CTNNA2: variants seen among roughly 807,000 people sequenced by gnomAD.
CTNNA2 encodes catenin alpha 2.
Under a neutral mutation model 101.0 loss-of-function variants are expected in CTNNA2, and 42 were observed. The ratio of observed to expected loss-of-function variants is 0.42; its 90% CI spans 0.32 to 0.54. The LOEUF (loss-of-function observed/expected upper bound fraction) is 0.54, where lower values mean the gene tolerates loss of function less well. Among genes scored for constraint, CTNNA2 ranks in the 20% least tolerant of loss-of-function variants. The pLI, the probability that CTNNA2 is intolerant of heterozygous loss-of-function variation, is 0.14. For synonymous variants in CTNNA2, 450 were observed against 456.4 expected (o/e 0.99, Z 0.18); for missense variants, 871 against 1,223.1 (o/e 0.71, Z 4.29).
intron 17 of CTNNA2, among the ~76,000 whole-genome samples, chr2:80,609,856 C>T (rs1334277590): frequency 6.6e-6 from 1 of 151,738 alleles, no homozygotes; most frequent in African/African-American, 2.4e-5. Context: ...TCTCCATCAT[C>T]CTCTCAGTAC....
intron 9 of CTNNA2, among the ~76,000 whole-genome samples, chr2:80,462,585 T>C (rs1013531441): frequency 1.4e-4 from 22 of 151,794 alleles, no homozygotes; most frequent in African/African-American, 5.3e-4. Context: ...CTATCTCTCT[T>C]ATGTATCTCA....
intron 6 of CTNNA2, among the ~76,000 whole-genome samples, chr2:79,882,751 GGCAGGCTTAA>G (rs1683542155): frequency 6.6e-6 from 1 of 152,226 alleles, no homozygotes; most frequent in Non-Finnish European, 1.5e-5. Flanking sequence ...CTGGGAGCTT[GGCAGGCTTAA>G]GCAGGTTCCA....
intron 1 of CTNNA2, among the ~76,000 whole-genome samples, chr2:79,590,782 C>T (rs1002105039): frequency 4.6e-5 from 7 of 152,090 alleles, no homozygotes; most frequent in African/African-American, 1.7e-4. Context: ...TGCTTTTCCA[C>T]AACTTATCTG....
Position 80,043,093 on chromosome 2 carries a change from TTCTCTCTCTC to T in CTNNA2, c.1056+133306_1056+133315del, listed in dbSNP as rs201701924. On this transcript the variant is annotated intron_variant, in intron 7 of 18. Transcript: ENST00000402739. The stretch of plus-strand genomic sequence containing the variant: ...TTTCTTTCTTTCTTTCTTTCTTTCT[TTCTCTCTCTC>T]TCTCTCTCTTTCTTTCTCCTTCCTT... Among the ~76,000 whole-genome samples the T allele has an allele frequency of 4.8e-3, 157 of 32,746 alleles. 6 individuals are homozygous for T. Among genetic ancestry groups the T allele is most frequent in the African/African-American group, 0.019 (148 of 7,716 alleles). The allele number at this position is 32,746 out of a possible 152,430, so 21.5% of individuals were successfully genotyped here.
At chr2:79,851,403 T>C (rs766344843) in intron 3 of CTNNA2, among the ~76,000 whole-genome samples, 45 of 152,234 alleles carry the variant, frequency 3.0e-4, no homozygotes, top group Non-Finnish European at 5.6e-4. Flanking sequence ...GATTCTGTTA[T>C]GTATTTTCCT....
chr2:80,197,096 T>C (rs1573363558), intron 7 of CTNNA2, among the ~76,000 whole-genome samples: 1 of 152,246 alleles, frequency 6.6e-6, no homozygotes, highest in East Asian at 1.9e-4. Flanking sequence ...GAATATGTTA[T>C]TTCCTTGGTA....
chr2:79,238,015 C>T (rs1030988252), intron 2 of CTNNA2, among the ~76,000 whole-genome samples: 1 of 152,228 alleles, frequency 6.6e-6, no homozygotes, highest in East Asian at 1.9e-4. Flanking sequence ...GCATTCACAA[C>T]GTGGCTAGCT....
intron 7 of CTNNA2, among the ~76,000 whole-genome samples, chr2:79,952,874 G>C (rs1168277454): frequency 6.6e-6 from 1 of 152,202 alleles, no homozygotes; most frequent in Non-Finnish European, 1.5e-5. Context: ...TGGAGAAACA[G>C]TCTGCCTATC....
At chr2:79,793,687 C>T (rs1675462240) in intron 3 of CTNNA2, among the ~76,000 whole-genome samples, 1 of 152,102 alleles carries the variant, frequency 6.6e-6, no homozygotes, top group Non-Finnish European at 1.5e-5. Context: ...GGATAATCGC[C>T]ACCCAATATC....
chr2:79,965,944 T>A (rs1157061383), intron 7 of CTNNA2, among the ~76,000 whole-genome samples: 1 of 150,588 alleles, frequency 6.6e-6, no homozygotes, highest in Non-Finnish European at 1.5e-5. Context: ...TCTTGAAACA[T>A]CTAAAAATAA....
intron 2 of CTNNA2, among the ~76,000 whole-genome samples, chr2:79,231,450 G>GT (rs1674492184): frequency 6.6e-6 from 1 of 152,196 alleles, no homozygotes; most frequent in Admixed American, 6.5e-5. Context: ...ATGTAGAACT[G>GT]TAAGTCCAGT....
intron 3 of CTNNA2, among the ~76,000 whole-genome samples, chr2:79,335,681 A>T (rs1676978763): frequency 6.6e-6 from 1 of 152,228 alleles, no homozygotes; most frequent in Non-Finnish European, 1.5e-5. Context: ...TGGCTCATCT[A>T]TGTCCATATA....
intron 2 of CTNNA2, among the ~76,000 whole-genome samples, chr2:79,654,806 T>A (rs534236957): frequency 2.1e-4 from 32 of 152,306 alleles, no homozygotes; most frequent in African/African-American, 7.5e-4. Context: ...AAGCACCTAA[T>A]ACTGATATGC....
intron 4 of CTNNA2, among the ~76,000 whole-genome samples, chr2:79,423,630 G>A (rs1386125143): frequency 1.3e-5 from 2 of 152,096 alleles, no homozygotes; most frequent in Non-Finnish European, 2.9e-5. Flanking sequence ...AAAGAAAACA[G>A]CAGATAAACA....
At chr2:80,078,977 T>C (rs1166912655) in intron 7 of CTNNA2, among the ~76,000 whole-genome samples, 5 of 152,158 alleles carry the variant, frequency 3.3e-5, no homozygotes, top group Non-Finnish European at 5.9e-5. Flanking sequence ...GATTTCCTCA[T>C]TGATGCAAAG....
At chr2:80,052,936 C>T (rs7426225) in intron 7 of CTNNA2, among the ~76,000 whole-genome samples, 67,200 of 151,906 alleles carry the variant, frequency 0.44, 16,720 homozygotes, top group East Asian at 0.88. Context: ...TAAATAATGT[C>T]GGGTAGATTT....
intron 9 of CTNNA2, among the ~76,000 whole-genome samples, chr2:80,441,824 G>A (rs79151716): frequency 0.033 from 4,982 of 152,250 alleles, 248 homozygotes; most frequent in African/African-American, 0.11. Context: ...TGATGTTCTC[G>A]AAGGCCTGAT....
At chr2:80,196,494 A>G (rs1014060154) in intron 7 of CTNNA2, among the ~76,000 whole-genome samples, 1 of 152,200 alleles carries the variant, frequency 6.6e-6, no homozygotes, top group Non-Finnish European at 1.5e-5. Context: ...GGCACTGCAC[A>G]GATTTTATAG....
chr2:80,075,644 AT>A (rs1368339325), intron 7 of CTNNA2, among the ~76,000 whole-genome samples: 1,471 of 100,496 alleles, frequency 0.015, 17 homozygotes, highest in East Asian at 0.019. Context: ...ATGTATAAAT[AT>A]TATAAAAATA....
Sources: allele counts gnomAD v4.1 joint callset (sites outside exome capture counted in the v4.1 genomes callset), GRCh38; gene constraint gnomAD v4.1.1; transcripts MANE v1.5; gene names NCBI Gene and HGNC (gene_info 2026-07-23, HGNC 2026-07-21).